SLC4A10: variants seen among roughly 807,000 people sequenced by gnomAD.
The protein encoded by SLC4A10 is solute carrier family 4 member 10, also known as sodium-driven chloride bicarbonate exchanger.
A neutral mutation model predicts 137.7 loss-of-function variants in SLC4A10; 42 were observed. That is an observed-to-expected ratio of 0.30 (90% CI 0.24 to 0.39). The LOEUF (loss-of-function observed/expected upper bound fraction) is 0.39, where lower values mean the gene tolerates loss of function less well. Ranked by LOEUF, SLC4A10 falls within the 10% of genes least tolerant of loss-of-function variation. The probability of loss-of-function intolerance (pLI) is 1.00; values close to 1 mark genes in which losing one functional copy is unlikely to be tolerated. For missense variants in SLC4A10, 925 were observed against 1,355.0 expected, an observed-to-expected ratio of 0.68 and a Z score of 4.98; for synonymous variants, 474 against 464.1, an observed-to-expected ratio of 1.02 and a Z score of -0.27.
Position 161,737,089 on chromosome 2 carries a change from G to A in SLC4A10, c.49-33884G>A, listed in dbSNP as rs1466577335. Among the ~76,000 whole-genome samples, 8 of 152,012 alleles carry A rather than the reference G, an allele frequency of 5.3e-5. No individual in the cohort carries two copies. In the East Asian group the frequency reaches 1.2e-3, roughly 22 times the overall value. ...ACCCAGGTTGGTCTTAAACTCCTGG[G>A]CTCAAGAGATCCTCCCACCTCAGCT... On this transcript the variant is annotated intron_variant, in intron 1 of 26. Coordinates refer to ENST00000446997, the MANE Select transcript of SLC4A10 (RefSeq NM_001178015.2).
At chr2:161,755,588 G>A (rs2049529884) in intron 1 of SLC4A10, among the ~76,000 whole-genome samples, 1 of 152,012 alleles carries the variant, frequency 6.6e-6, no homozygotes, top group Admixed American at 6.6e-5. Context: ...AATATCCCTT[G>A]GGAGCATTGA....
chr2:161,769,819 T>A (rs1163791722), intron 1 of SLC4A10, among the ~76,000 whole-genome samples: 4 of 151,884 alleles, frequency 2.6e-5, no homozygotes, highest in Non-Finnish European at 1.5e-5. Flanking sequence ...TAACAGTAAT[T>A]TCTTTCTTTT....
At chr2:161,753,350 C>T (rs995191741) in intron 1 of SLC4A10, among the ~76,000 whole-genome samples, 6 of 152,132 alleles carry the variant, frequency 3.9e-5, no homozygotes, top group Non-Finnish European at 7.4e-5. Context: ...TGACTTATTT[C>T]CCATTCTTTA....
chr2:161,933,081 C>G (rs573864849), intron 15 of SLC4A10, among the ~76,000 whole-genome samples: 2 of 152,112 alleles, frequency 1.3e-5, no homozygotes, highest in Admixed American at 1.3e-4. Flanking sequence ...AAAAGTATTC[C>G]ACAATGTATA....
intron 1 of SLC4A10, among the ~76,000 whole-genome samples, chr2:161,705,951 T>G (rs1472578455): frequency 2.0e-5 from 3 of 151,600 alleles, no homozygotes; most frequent in Non-Finnish European, 4.4e-5. Context: ...GACCATATCT[T>G]AATAACACTG....
intron 10 of SLC4A10, among the ~76,000 whole-genome samples, chr2:161,884,709 G>A (rs866213122): frequency 6.6e-6 from 1 of 152,100 alleles, no homozygotes; most frequent in African/African-American, 2.4e-5. Flanking sequence ...CAACCAGAAA[G>A]CTACTCTAAA....
chr2:161,983,318 T>G lies in SLC4A10; in HGVS notation c.*166T>G. 1 of 1,381,962 alleles carries G rather than the reference T, an allele frequency of 7.2e-7. No individual in the cohort carries two copies. Among genetic ancestry groups the G allele is most frequent in the Non-Finnish European group, 9.9e-7 (1 of 1,013,098 alleles). The allele number at this position is 1,381,962 out of a possible 1,614,324, so 85.6% of individuals were successfully genotyped here. A position where few individuals can be genotyped will look rare whatever the true frequency, so the allele number is the denominator to read the frequency against. On this transcript the variant is annotated 3_prime_UTR_variant, in exon 27 of 27. Transcript: ENST00000446997. ...ATTATTAATAAAACTGCTTTGATCA[T>G]GTATTGTAAATTCTGTCCCTCAACC... is the stretch of plus-strand genomic sequence containing the variant.
At chr2:161,848,915 A>G (rs931534060) in intron 4 of SLC4A10, among the ~76,000 whole-genome samples, 3 of 152,056 alleles carry the variant, frequency 2.0e-5, no homozygotes, top group African/African-American at 7.2e-5. Flanking sequence ...ATTTTGAAAA[A>G]TGTGCACTTT....
chr2:161,798,106 C>G (rs1352374226), intron 2 of SLC4A10, among the ~76,000 whole-genome samples: 1 of 151,974 alleles, frequency 6.6e-6, no homozygotes, highest in East Asian at 1.9e-4. Context: ...CTTTGTTTCT[C>G]TGTTACTCTC....
At chr2:161,823,885 T>A (rs9636282) in intron 3 of SLC4A10, among the ~76,000 whole-genome samples, 10,097 of 152,268 alleles carry the variant, frequency 0.066, 437 homozygotes, top group East Asian at 0.15. Flanking sequence ...TTTTTGGCAA[T>A]TGCCGCTAGG....
At chr2:161,756,254 T>C (rs2049635944) in intron 1 of SLC4A10, among the ~76,000 whole-genome samples, 1 of 152,192 alleles carries the variant, frequency 6.6e-6, no homozygotes, top group Admixed American at 6.5e-5. Flanking sequence ...ATGGATATTG[T>C]AAAATTATTT....
chr2:161,814,250 T>C (rs1389372613), intron 3 of SLC4A10, among the ~76,000 whole-genome samples: 1 of 152,026 alleles, frequency 6.6e-6, no homozygotes, highest in African/African-American at 2.4e-5. Context: ...CCAGTCAAAA[T>C]GGTGATTATC....
intron 3 of SLC4A10, among the ~76,000 whole-genome samples, chr2:161,815,617 G>C (rs774364548): frequency 6.6e-6 from 1 of 152,038 alleles, no homozygotes; most frequent in Non-Finnish European, 1.5e-5. Context: ...AAACCTTCTG[G>C]CACATTGGAA....
rs1479869355 is a variant in SLC4A10 at position 161,767,119 on chromosome 2, ATATATATATATATATATATATG to A, written c.49-3852_49-3831del. On this transcript the variant is annotated intron_variant, in intron 1 of 26. Transcript: ENST00000446997. ...CATATATATATATATATATATATATATATATATATATATATATATATGTGTGTGTGTGTGTGTGTGTGTGTTT... is the reference window on the plus strand; with the variant it reads ...CATATATATATATATATATATATATATGTGTGTGTGTGTGTGTGTGTGTTT... Among the ~76,000 whole-genome samples, 117 of 83,296 alleles carry A rather than the reference ATATATATATATATATATATATG, an allele frequency of 1.4e-3. 1 individual carries two copies. The highest frequency in any genetic ancestry group is 5.8e-3 in the African/African-American group (114 of 19,816). 54.6% of individuals were successfully genotyped at this position (83,296 alleles called of 152,430 possible). A position where few individuals can be genotyped will look rare whatever the true frequency, so the allele number is the denominator to read the frequency against.
chr2:161,846,328 G>T (rs530675814), intron 4 of SLC4A10, among the ~76,000 whole-genome samples: 1 of 152,226 alleles, frequency 6.6e-6, no homozygotes, highest in South Asian at 2.1e-4. Context: ...AATAACAAAT[G>T]TTGGTGAGGA....
intron 23 of SLC4A10, among the ~76,000 whole-genome samples, chr2:161,973,820 C>T (rs762918217): frequency 2.0e-5 from 3 of 152,140 alleles, no homozygotes; most frequent in Admixed American, 6.5e-5. Flanking sequence ...CAGGGGATTC[C>T]GATGTAAACT....
At chr2:161,717,075 C>T (rs1277942465) in intron 1 of SLC4A10, among the ~76,000 whole-genome samples, 2 of 152,092 alleles carry the variant, frequency 1.3e-5, no homozygotes, top group African/African-American at 4.8e-5. Flanking sequence ...AATGGGAGTT[C>T]ATTCATGATT....
At chr2:161,886,367 A>T (rs1192068311) in intron 10 of SLC4A10, among the ~76,000 whole-genome samples, 2 of 152,174 alleles carry the variant, frequency 1.3e-5, no homozygotes, top group Non-Finnish European at 2.9e-5. Context: ...ACTACTTAGA[A>T]CAGTATGTAC....
intron 2 of SLC4A10, among the ~76,000 whole-genome samples, chr2:161,799,132 G>A (rs2055103228): frequency 6.6e-6 from 1 of 151,152 alleles, no homozygotes; most frequent in South Asian, 2.1e-4. Flanking sequence ...TGGATTTTTT[G>A]CATTACATAA....
Sources: gnomAD v4.1 joint callset for allele counts (sites outside exome capture counted in the v4.1 genomes callset) on GRCh38, gnomAD v4.1.1 for gene constraint, MANE v1.5 for transcripts, NCBI Gene and HGNC (gene_info 2026-07-23, HGNC 2026-07-21) for gene names.